Variants in MAP9 observed in about 807,000 individuals in gnomAD.
MAP9 encodes the protein microtubule associated protein 9.
A neutral mutation model predicts 75.2 loss-of-function variants in MAP9; 80 were observed. That is an observed-to-expected ratio of 1.06 (90% confidence interval 0.89 to 1.28). MAP9 has a LOEUF of 1.28. MAP9 is among the 50% of genes most tolerant of loss of function. MAP9 has a pLI of 0.00. For missense variants in MAP9, 753 were observed against 719.9 expected (o/e 1.05, Z -0.53); for synonymous variants, 235 against 237.3 (o/e 0.99, Z 0.09).
At chr4:155,361,972 G>A (rs1732101101) in intron 6 of MAP9, 76 bp downstream of exon 6, 2 of 850,468 alleles carry the variant, frequency 2.4e-6, no homozygotes, top group Non-Finnish European at 3.8e-6. Flanking sequence ...ACTATACAAA[G>A]TATTATTTCT....
At chr4:155,372,676 A>C (rs1033369391) in intron 4 of MAP9, among the ~76,000 whole-genome samples, 1 of 152,236 alleles carries the variant, frequency 6.6e-6, no homozygotes, top group African/African-American at 2.4e-5. Context: ...AAATGTCAAG[A>C]AAATTTTCTG....
intron 5 of MAP9, chr4:155,363,291 G>C (rs1732172593): frequency 6.6e-6 from 1 of 152,044 alleles, no homozygotes; most frequent in South Asian, 2.1e-4. Flanking sequence ...CCACTTGCTA[G>C]AAAATATGTT....
At position 155,344,283 on chromosome 4, in the gene MAP9, ATAACC is replaced by A. The variant is rs1417889956; in HGVS notation, c.*3495_*3499del. Reference sequence around the variant, plus strand: ...AGGACATGAATCAACTAAATTAATAATAACCACAGTTCAAAAGTTAGTGTGAAAGT... The same window carrying A: ...AGGACATGAATCAACTAAATTAATAAACAGTTCAAAAGTTAGTGTGAAAGT... On this transcript the variant is annotated 3_prime_UTR_variant, in exon 14 of 14. Coordinates refer to ENST00000311277, the MANE Select transcript of MAP9 (RefSeq NM_001039580.2). The A allele has an allele frequency of 2.0e-5, 3 of 151,940 alleles. No individual in the cohort carries two copies. The highest frequency in any genetic ancestry group is 4.4e-5 in the Non-Finnish European group (3 of 67,854). 9.4% of individuals were successfully genotyped at this position (151,940 alleles called of 1,614,324 possible). A position where few individuals can be genotyped will look rare whatever the true frequency, so the allele number is the denominator to read the frequency against.
At position 155,373,531 on chromosome 4, in the gene MAP9, T is replaced by C. The variant is rs112020577; in HGVS notation, c.161-75A>G. On this transcript the variant is annotated intron_variant, in intron 3 of 13. Coordinates refer to ENST00000311277, the MANE Select transcript of MAP9 (RefSeq NM_001039580.2). ...CAAGGTTACGTTAACTTAATCAAAG[T>C]TTACCTTAAAAGCTACAAACAAAAT... is the stretch of plus-strand genomic sequence containing the variant. The C allele has an allele frequency of 1.2e-4, 120 of 1,007,346 alleles. No individual in the cohort carries two copies. In the African/African-American group the frequency reaches 1.9e-3, roughly 16 times the overall value. 62.4% of individuals were successfully genotyped at this position (1,007,346 alleles called of 1,614,324 possible). A position where few individuals can be genotyped will look rare whatever the true frequency, so the allele number is the denominator to read the frequency against.
chr4:155,375,642 T>C (rs1732805502), intron 2 of MAP9, 134 bp downstream of exon 2: 1 of 491,616 alleles, frequency 2.0e-6, no homozygotes, highest in East Asian at 3.3e-5. Context: ...AGCCCAAACA[T>C]GATCATGTGC....
intron 13 of MAP9, chr4:155,350,309 T>G (rs567669791): frequency 4.7e-6 from 2 of 429,982 alleles, no homozygotes; most frequent in Admixed American, 5.6e-5. Context: ...TTTATGTGTT[T>G]ATAGGTGTAC....
At chr4:155,370,688 C>T (rs1732555037) in intron 4 of MAP9, among the ~76,000 whole-genome samples, 2 of 152,112 alleles carry the variant, frequency 1.3e-5, no homozygotes, top group African/African-American at 4.8e-5. Flanking sequence ...ATGAGATCTA[C>T]CTTCTTAATA....
At chr4:155,354,558 G>C (rs1731678446) in intron 10 of MAP9, among the ~76,000 whole-genome samples, 1 of 145,364 alleles carries the variant, frequency 6.9e-6, no homozygotes, top group East Asian at 2.1e-4. Context: ...CCGCCTCCCG[G>C]GTTCAAGTGA....
rs528933303 is a variant in MAP9, at chr4:155,355,741, T to C, written c.1265A>G (p.Asp422Gly). ...CTGATAAACAGCTGCCCTTATGTTATCTGCTCTATCAGGTTCTATGCTCTG... is the reference window on the plus strand; with the variant it reads ...CTGATAAACAGCTGCCCTTATGTTACCTGCTCTATCAGGTTCTATGCTCTG... ...QKQSIEPDRA[D>G]NIRAAVYQEW... The change falls in exon 9 of 14, where the codon GAT becomes GGT. Residue 422 changes from aspartate (D) to glycine (G), a missense_variant. Asp to Gly is a moderately conservative substitution (Grantham distance 94). Transcript: ENST00000311277. 1.2e-6 allele frequency: 2 copies of C among 1,611,430 alleles called. No homozygotes were observed. The highest frequency in any genetic ancestry group is 2.2e-5 in the South Asian group (2 of 90,616).
intron 5 of MAP9, chr4:155,367,546 A>C (rs182041488): frequency 2.6e-5 from 4 of 152,370 alleles, no homozygotes; most frequent in Non-Finnish European, 5.9e-5. Context: ...GCTACAAGAA[A>C]CTAGCACAAT....
intron 13 of MAP9, chr4:155,352,213 G>A (rs1731542519): frequency 5.7e-6 from 1 of 176,356 alleles, no homozygotes; most frequent in Non-Finnish European, 1.2e-5. Flanking sequence ...TCACTATTAA[G>A]TTCAGTGTTA....
At chr4:155,353,668 T>C (rs530279723) in intron 10 of MAP9, among the ~76,000 whole-genome samples, 47 of 152,150 alleles carry the variant, frequency 3.1e-4, no homozygotes, top group African/African-American at 1.1e-3. Context: ...ATAGGCTAAG[T>C]GGTATAGTAA....
At chr4:155,350,103 A>C in intron 13 of MAP9, 1 of 262,202 alleles carries the variant, frequency 3.8e-6, no homozygotes, top group South Asian at 3.8e-5. Flanking sequence ...ATCTTTGGCT[A>C]TTAACTTTCC....
At chr4:155,369,593 G>A (rs1410106799) in intron 4 of MAP9, among the ~76,000 whole-genome samples, 2 of 152,010 alleles carry the variant, frequency 1.3e-5, no homozygotes, top group African/African-American at 4.8e-5. Context: ...TCAACAAAGC[G>A]GCAATGGACC....
rs1339171730 is a variant in MAP9 at position 155,343,613 on chromosome 4, C to G, written c.*4170G>C. 6.6e-6 allele frequency: 1 copy of G among 151,740 alleles called. No homozygotes were observed. The highest frequency in any genetic ancestry group is 1.5e-5 in the Non-Finnish European group (1 of 67,750). The allele number at this position is 151,740 out of a possible 1,614,324, so 9.4% of individuals were successfully genotyped here. A position where few individuals can be genotyped will look rare whatever the true frequency, so the allele number is the denominator to read the frequency against. On this transcript the variant is annotated 3_prime_UTR_variant, in exon 14 of 14. Transcript: ENST00000311277. Reference sequence around the variant, plus strand: ...ATAAAACTCACACCACATTTCCTAACACTATGGGCATTTTGGAACACAGTC... The same window carrying G: ...ATAAAACTCACACCACATTTCCTAAGACTATGGGCATTTTGGAACACAGTC...
At chr4:155,364,894 CAAT>C (rs1247466638) in intron 5 of MAP9, among the ~76,000 whole-genome samples, 10 of 150,994 alleles carry the variant, frequency 6.6e-5, no homozygotes, top group East Asian at 3.9e-4. Flanking sequence ...GATAAAAGGT[CAAT>C]AATAATAAAA....
At chr4:155,359,284 C>T (rs958395461) in intron 7 of MAP9, among the ~76,000 whole-genome samples, 1 of 150,252 alleles carries the variant, frequency 6.7e-6, no homozygotes, top group African/African-American at 2.4e-5. Flanking sequence ...GAAATAATAT[C>T]TTTTACAACA....
chr4:155,361,644 T>C (rs1427722604), intron 6 of MAP9, among the ~76,000 whole-genome samples: 1 of 152,068 alleles, frequency 6.6e-6, no homozygotes, highest in Non-Finnish European at 1.5e-5. Context: ...TTTGCTTATG[T>C]AATTGTGCCT....
intron 6 of MAP9, chr4:155,361,343 G>A (rs1732070484): frequency 6.6e-6 from 1 of 151,978 alleles, no homozygotes; most frequent in South Asian, 2.1e-4. Flanking sequence ...CTAAGTCACT[G>A]CACTTCAGCT....
Sources: gnomAD v4.1 joint callset for allele counts (sites outside exome capture counted in the v4.1 genomes callset) on GRCh38, gnomAD v4.1.1 for gene constraint, MANE v1.5 for transcripts, NCBI Gene and HGNC (gene_info 2026-07-23, HGNC 2026-07-21) for gene names.